TUSC3: variants seen among roughly 807,000 people sequenced by gnomAD.
The protein encoded by TUSC3 is dolichyl-diphosphooligosaccharide--protein glycosyltransferase subunit TUSC3.
A neutral mutation model predicts 44.8 loss-of-function variants in TUSC3; 45 were observed. The observed-to-expected ratio is 1.00, with a 90% CI of 0.79 to 1.29. The LOEUF (loss-of-function observed/expected upper bound fraction) is 1.29, where lower values mean the gene tolerates loss of function less well. Ranked by LOEUF, TUSC3 falls within the 50% of genes most tolerant of loss-of-function variation. The pLI is 0.00. For synonymous variants in TUSC3, 212 were observed against 152.9 expected (o/e 1.39, Z -2.85); for missense variants, 519 against 437.9 (o/e 1.19, Z -1.65).
intron 9 of TUSC3, among the ~76,000 whole-genome samples, chr8:15,751,153 T>G (rs1192931179): frequency 6.6e-6 from 1 of 152,134 alleles, no homozygotes; most frequent in African/African-American, 2.4e-5. Flanking sequence ...GTTGCTCTGT[T>G]AGGCAACTTT....
At position 15,433,612 on chromosome 8, in the gene TUSC3, C is replaced by T. The variant is rs150525642; in HGVS notation, n.91+16307C>T. Among the ~76,000 whole-genome samples, 1,101 of 151,936 alleles carry T rather than the reference C, an allele frequency of 7.2e-3. 8 individuals carry two copies. Among genetic ancestry groups the T allele is most frequent in the Middle Eastern group, 0.027 (8 of 294 alleles). On this transcript the variant is annotated intron_variant and non_coding_transcript_variant, in intron 1 of 5. Coordinates refer to the TUSC3 transcript ENST00000503191. ...CACCACCACCGCCACCACCACATGC[C>T]AGGGCTTAAGCGTTCCTCTGATCTT...
chr8:15,529,402 G>C (rs1166206708), intron 2 of TUSC3, among the ~76,000 whole-genome samples: 2 of 151,956 alleles, frequency 1.3e-5, no homozygotes, highest in Non-Finnish European at 2.9e-5. Flanking sequence ...ATTAAGTTGA[G>C]GTTTATCAAT....
the TUSC3 span, among the ~76,000 whole-genome samples, chr8:15,815,562 G>C: frequency 6.6e-6 from 1 of 152,082 alleles, no homozygotes; most frequent in Non-Finnish European, 1.5e-5. Context: ...AGAAAGGAGA[G>C]ACAGAGGAAG....
intron 6 of TUSC3, among the ~76,000 whole-genome samples, chr8:15,700,252 T>C (rs944815022): frequency 1.3e-5 from 2 of 152,192 alleles, no homozygotes; most frequent in Non-Finnish European, 2.9e-5. Context: ...ATTTATTTAA[T>C]TCAATTCAAT....
At chr8:15,835,452 T>C in the TUSC3 span, among the ~76,000 whole-genome samples, 3 of 152,148 alleles carry the variant, frequency 2.0e-5, no homozygotes, top group African/African-American at 4.8e-5. Context: ...CCTGCCTTTA[T>C]GTTTATTTGC....
chr8:15,454,532 C>A (rs73534224), intron 1 of TUSC3, among the ~76,000 whole-genome samples: 2,055 of 152,248 alleles, frequency 0.013, 47 homozygotes, highest in African/African-American at 0.046. Flanking sequence ...ATTAATGTTC[C>A]AACTAGTTTC....
the TUSC3 span, among the ~76,000 whole-genome samples, chr8:15,842,429 C>T: frequency 6.6e-6 from 1 of 152,108 alleles, no homozygotes; most frequent in African/African-American, 2.4e-5. Flanking sequence ...GTAATAAAGC[C>T]TTGACATGTT....
In TUSC3 at chr8:15,740,881, C is replaced by T. The variant is rs148240942; in HGVS notation, c.863-2657C>T. ...AGTAGCAAGCATTTGGAAACAAATG[C>T]CATCAGTAAGATAAAGCAATAAAAT... On this transcript the variant is annotated intron_variant, in intron 7 of 10. Coordinates refer to ENST00000503731, the MANE Select transcript of TUSC3 (RefSeq NM_006765.4). Among the ~76,000 whole-genome samples, 599 of 152,160 alleles carry T rather than the reference C, an allele frequency of 3.9e-3. 3 individuals carry two copies. The highest frequency in any genetic ancestry group is 6.4e-3 in the Non-Finnish European group (437 of 68,008).
chr8:15,529,888 C>G, intron 2 of TUSC3, among the ~76,000 whole-genome samples: 1 of 93,764 alleles, frequency 1.1e-5, no homozygotes, highest in East Asian at 3.1e-4. Context: ...AGCTCCGCTT[C>G]CTGGGTTCAC....
chr8:15,651,519 C>A (rs1333990334), intron 3 of TUSC3, among the ~76,000 whole-genome samples: 1 of 152,140 alleles, frequency 6.6e-6, no homozygotes, highest in African/African-American at 2.4e-5. Flanking sequence ...AAAGGTGGAA[C>A]CCTAGTCCAA....
intron 1 of TUSC3, among the ~76,000 whole-genome samples, chr8:15,478,156 C>G (rs1254514608): frequency 6.6e-6 from 1 of 151,984 alleles, no homozygotes; most frequent in Non-Finnish European, 1.5e-5. Flanking sequence ...GGGGTTTCTA[C>G]TAAAAGACCA....
the TUSC3 span, among the ~76,000 whole-genome samples, chr8:15,786,205 C>T: frequency 1.3e-5 from 2 of 152,304 alleles, no homozygotes; most frequent in East Asian, 3.9e-4. Flanking sequence ...ACCACTGCAA[C>T]TTCATTACAT....
intron 1 of TUSC3, among the ~76,000 whole-genome samples, chr8:15,443,437 G>A (rs1800048418): frequency 6.6e-6 from 1 of 151,456 alleles, no homozygotes. Flanking sequence ...GGGCTCGAGT[G>A]ATCTGCCTGC....
Position 15,467,739 on chromosome 8 carries a change from T to C in TUSC3, n.92-15647T>C, listed in dbSNP as rs549175875. Among the ~76,000 whole-genome samples, 23 of 152,310 alleles carry C rather than the reference T, an allele frequency of 1.5e-4. No individual in the cohort carries two copies. The South Asian group carries it at 4.3e-3, about 29-fold the overall frequency. ...TTTGACCATCTAATGTTCTTGGATA[T>C]GTAATCAGTCATCTTGAATTACGTT... On this transcript the variant is annotated intron_variant and non_coding_transcript_variant, in intron 1 of 5. Coordinates refer to the TUSC3 transcript ENST00000503191.
intron 1 of TUSC3, among the ~76,000 whole-genome samples, chr8:15,541,771 G>T (rs1318242677): frequency 6.6e-6 from 1 of 150,384 alleles, no homozygotes; most frequent in Non-Finnish European, 1.5e-5. Context: ...CTTGGTATTT[G>T]TATACCATAT....
At chr8:15,568,050 C>CTCAT (rs890184885) in intron 1 of TUSC3, among the ~76,000 whole-genome samples, 1 of 152,136 alleles carries the variant, frequency 6.6e-6, no homozygotes, top group African/African-American at 2.4e-5. Flanking sequence ...ACACATATTA[C>CTCAT]TCATTCCTCT....
chr8:15,473,774 G>A (rs1238422968), intron 1 of TUSC3, among the ~76,000 whole-genome samples: 2 of 152,182 alleles, frequency 1.3e-5, no homozygotes, highest in African/African-American at 4.8e-5. Flanking sequence ...AAGATCACAT[G>A]CTTCTGAGGA....
chr8:15,498,247 A>T (rs944255341), intron 2 of TUSC3, among the ~76,000 whole-genome samples: 1 of 152,200 alleles, frequency 6.6e-6, no homozygotes, highest in Non-Finnish European at 1.5e-5. Flanking sequence ...GTGGATAAAG[A>T]TCATAAGAAC....
chr8:15,491,739 C>T (rs1418171063), intron 2 of TUSC3, among the ~76,000 whole-genome samples: 4 of 152,080 alleles, frequency 2.6e-5, no homozygotes, highest in African/African-American at 7.2e-5. Context: ...TGTCTACTAC[C>T]GGCCAACGCA....
Sources: allele counts gnomAD v4.1 joint callset (sites outside exome capture counted in the v4.1 genomes callset), GRCh38; gene constraint gnomAD v4.1.1; transcripts MANE v1.5; gene names NCBI Gene and HGNC (gene_info 2026-07-23, HGNC 2026-07-21).